The following RIT2 variants were observed in gnomAD, a reference collection of about 807,000 sequenced individuals.
RIT2 encodes GTP-binding protein Rit2.
A neutral mutation model predicts 23.7 loss-of-function variants in RIT2; 24 were observed. That is an observed-to-expected ratio of 1.01 (90% CI 0.73 to 1.43). RIT2 has a LOEUF of 1.43. Among genes scored for constraint, RIT2 ranks in the 40% most tolerant of loss-of-function variants. The probability of loss-of-function intolerance (pLI) is 0.00; values close to 1 mark genes in which losing one functional copy is unlikely to be tolerated. For missense variants in RIT2, 236 were observed against 266.9 expected, an observed-to-expected ratio of 0.88 and a Z score of 0.81; for synonymous variants, 107 against 91.1, an observed-to-expected ratio of 1.17 and a Z score of -0.99.
chr18:42,920,113 G>A (rs1909017166), intron 4 of RIT2, among the ~76,000 whole-genome samples: 1 of 152,154 alleles, frequency 6.6e-6, no homozygotes, highest in Non-Finnish European at 1.5e-5. Context: ...CCATGGCCTG[G>A]AACTGCCCAC....
intron 4 of RIT2, among the ~76,000 whole-genome samples, chr18:42,774,539 A>G (rs1181611180): frequency 6.6e-6 from 1 of 152,098 alleles, no homozygotes; most frequent in Non-Finnish European, 1.5e-5. Flanking sequence ...CCCAGACAGT[A>G]TTTATGTGAC....
chr18:42,838,903 C>G (rs1399091663), intron 4 of RIT2, among the ~76,000 whole-genome samples: 1 of 152,172 alleles, frequency 6.6e-6, no homozygotes, highest in Non-Finnish European at 1.5e-5. Context: ...ACAATTTTCT[C>G]TCACTTGAGA....
At chr18:42,917,971 A>G (rs1249602069) in intron 4 of RIT2, among the ~76,000 whole-genome samples, 1 of 151,982 alleles carries the variant, frequency 6.6e-6, no homozygotes, top group Non-Finnish European at 1.5e-5. Flanking sequence ...TGCCCTTTTC[A>G]CTGCTCAGAA....
At chr18:43,025,573 A>G (rs74791520) in intron 2 of RIT2, among the ~76,000 whole-genome samples, 14,302 of 152,118 alleles carry the variant, frequency 0.094, 773 homozygotes, top group Non-Finnish European at 0.11. Context: ...AATATAACAT[A>G]TATTTGACAT....
intron 2 of RIT2, among the ~76,000 whole-genome samples, chr18:42,980,015 G>A (rs184482913): frequency 6.6e-6 from 1 of 152,142 alleles, no homozygotes; most frequent in East Asian, 1.9e-4. Flanking sequence ...GGAAGACAAG[G>A]AGGGCTCTGC....
intron 1 of RIT2, among the ~76,000 whole-genome samples, chr18:43,083,164 AACT>A (rs1180595313): frequency 1.3e-5 from 2 of 152,182 alleles, no homozygotes; most frequent in Non-Finnish European, 2.9e-5. Context: ...CTAGGAATAC[AACT>A]ACAAGGGACG....
At chr18:42,744,187 C>A (rs2143871062) in intron 4 of RIT2, among the ~76,000 whole-genome samples, 1 of 152,252 alleles carries the variant, frequency 6.6e-6, no homozygotes, top group Non-Finnish European at 1.5e-5. Flanking sequence ...GGCCCCACCC[C>A]ATCTCCCTTT....
At chr18:42,970,201 C>T (rs111284445) in intron 3 of RIT2, among the ~76,000 whole-genome samples, 1 of 151,510 alleles carries the variant, frequency 6.6e-6, no homozygotes, top group Non-Finnish European at 1.5e-5. Flanking sequence ...GGAGATAGAT[C>T]TGGAACCAAT....
At position 42,837,153 on chromosome 18, in the gene RIT2, C is replaced by CTTTTTTTTTTTTTTTTTTT. The variant is rs570701535; in HGVS notation, c.426+86400_426+86418dup. Among the ~76,000 whole-genome samples the CTTTTTTTTTTTTTTTTTTT allele has an allele frequency of 3.6e-3, 186 of 51,708 alleles. 26 individuals are homozygous for CTTTTTTTTTTTTTTTTTTT. Among genetic ancestry groups the CTTTTTTTTTTTTTTTTTTT allele is most frequent in the African/African-American group, 5.5e-3 (85 of 15,396 alleles). The allele number at this position is 51,708 out of a possible 152,430, so 33.9% of individuals were successfully genotyped here. On this transcript the variant is annotated intron_variant, in intron 4 of 4. Coordinates refer to ENST00000326695, the MANE Select transcript of RIT2 (RefSeq NM_002930.4). ...TAAAAATTTCTTTTTTTTTCTTTTT[C>CTTTTTTTTTTTTTTTTTTT]TTTTTTTTTTTTTTTTTTTTTTTTT...
intron 4 of RIT2, among the ~76,000 whole-genome samples, chr18:42,761,202 T>C (rs1022439479): frequency 4.0e-4 from 61 of 152,172 alleles, no homozygotes; most frequent in African/African-American, 1.4e-3. Flanking sequence ...TTATCCTGTT[T>C]TATCCCTTTA....
At chr18:42,997,653 G>A (rs898573978) in intron 2 of RIT2, among the ~76,000 whole-genome samples, 2 of 151,360 alleles carry the variant, frequency 1.3e-5, no homozygotes, top group Admixed American at 6.6e-5. Context: ...GAGCATCTAC[G>A]AATTTATTTG....
chr18:43,000,481 A>C (rs1429162365), intron 2 of RIT2, among the ~76,000 whole-genome samples: 3 of 152,034 alleles, frequency 2.0e-5, no homozygotes, highest in African/African-American at 7.2e-5. Flanking sequence ...GGACAGGATG[A>C]AGAGATTTAC....
intron 1 of RIT2, among the ~76,000 whole-genome samples, chr18:43,059,671 AT>A (rs1912596609): frequency 6.6e-6 from 1 of 152,176 alleles, no homozygotes; most frequent in Admixed American, 6.5e-5. Flanking sequence ...TTTGACTTAA[AT>A]TACTTTGACC....
chr18:42,855,473 T>G (rs997093313), intron 4 of RIT2, among the ~76,000 whole-genome samples: 28 of 152,180 alleles, frequency 1.8e-4, no homozygotes, highest in African/African-American at 6.3e-4. Context: ...TAAAATTCTG[T>G]GATAACTCAC....
chr18:42,755,875 A>G (rs1195991982), intron 4 of RIT2, among the ~76,000 whole-genome samples: 1 of 152,164 alleles, frequency 6.6e-6, no homozygotes, highest in Non-Finnish European at 1.5e-5. Flanking sequence ...TTTACAAGTA[A>G]TGCCCAGCCC....
At chr18:43,036,514 T>C (rs533325021) in intron 1 of RIT2, among the ~76,000 whole-genome samples, 2 of 152,108 alleles carry the variant, frequency 1.3e-5, no homozygotes, top group African/African-American at 4.8e-5. Flanking sequence ...CACTCCAGCC[T>C]GGGTGACACA....
intron 4 of RIT2, among the ~76,000 whole-genome samples, chr18:42,780,658 A>C (rs1913789235): frequency 6.6e-6 from 1 of 152,142 alleles, no homozygotes; most frequent in East Asian, 1.9e-4. Context: ...GACAAGTTGG[A>C]ACTTGGTATC....
At chr18:42,963,116 A>G (rs771696737) in intron 3 of RIT2, among the ~76,000 whole-genome samples, 5 of 152,170 alleles carry the variant, frequency 3.3e-5, no homozygotes, top group Admixed American at 6.6e-5. Flanking sequence ...TTGATTTCTA[A>G]TGGAGAGGTT....
At chr18:42,963,995 G>C (rs1568041190) in intron 3 of RIT2, among the ~76,000 whole-genome samples, 1 of 152,062 alleles carries the variant, frequency 6.6e-6, no homozygotes, top group East Asian at 1.9e-4. Context: ...TTCGAGACCA[G>C]CCTGGCCAAC....
Sources: gnomAD v4.1 joint callset for allele counts (sites outside exome capture counted in the v4.1 genomes callset) on GRCh38, gnomAD v4.1.1 for gene constraint, MANE v1.5 for transcripts, NCBI Gene and HGNC (gene_info 2026-07-23, HGNC 2026-07-21) for gene names.